Variants in RBMS3 observed in about 807,000 individuals in gnomAD.
The protein encoded by RBMS3 is RNA-binding motif, single-stranded-interacting protein 3.
RBMS3 carries 27 observed loss-of-function variants against 66.8 expected under a neutral mutation model. The ratio of observed to expected loss-of-function variants is 0.40; its 90% CI spans 0.30 to 0.56. The LOEUF is 0.56. Among genes scored for constraint, RBMS3 ranks in the 20% least tolerant of loss-of-function variants. RBMS3 has a pLI of 0.40. For synonymous variants in RBMS3, 188 were observed against 183.0 expected (o/e 1.03, Z -0.22); for missense variants, 513 against 549.5 (o/e 0.93, Z 0.66).
chr3:29,324,180 A>G (rs2035181811), intron 1 of RBMS3, among the ~76,000 whole-genome samples: 1 of 152,178 alleles, frequency 6.6e-6, no homozygotes, highest in South Asian at 2.1e-4. Context: ...TAAGTCATGA[A>G]CACTGACTTC....
At chr3:29,355,650 T>C (rs1405946676) in intron 1 of RBMS3, among the ~76,000 whole-genome samples, 1 of 152,096 alleles carries the variant, frequency 6.6e-6, no homozygotes, top group Admixed American at 6.6e-5. Flanking sequence ...GTATGACTTA[T>C]TATAACAGCA....
At chr3:29,707,600 G>A (rs56922003) in intron 4 of RBMS3, among the ~76,000 whole-genome samples, 18,697 of 152,110 alleles carry the variant, frequency 0.12, 2,468 homozygotes, top group African/African-American at 0.33. Flanking sequence ...CAGTTTTTCT[G>A]TCTTTTCCAT....
At chr3:29,589,274 T>G (rs1165113546) in intron 4 of RBMS3, among the ~76,000 whole-genome samples, 1 of 152,070 alleles carries the variant, frequency 6.6e-6, no homozygotes, top group African/African-American at 2.4e-5. Flanking sequence ...CTCTAATCAC[T>G]GATATCTCAC....
At chr3:29,764,714 G>T (rs1012387972) in intron 6 of RBMS3, among the ~76,000 whole-genome samples, 21 of 151,978 alleles carry the variant, frequency 1.4e-4, no homozygotes, top group African/African-American at 5.1e-4. Context: ...TTTCCCCAAT[G>T]AACATATTGC....
chr3:29,647,144 A>AT (rs2049952583), intron 4 of RBMS3, among the ~76,000 whole-genome samples: 2 of 152,014 alleles, frequency 1.3e-5, no homozygotes, highest in Admixed American at 6.6e-5. Flanking sequence ...CACCGGGCTA[A>AT]TTTTTTGTGT....
chr3:29,506,247 A>T (rs1576045206), intron 3 of RBMS3, among the ~76,000 whole-genome samples: 1 of 151,956 alleles, frequency 6.6e-6, no homozygotes, highest in East Asian at 1.9e-4. Flanking sequence ...ATTGAGATAC[A>T]TTCCTTCTAT....
At chr3:29,711,138 A>C (rs980829471) in intron 4 of RBMS3, among the ~76,000 whole-genome samples, 2 of 152,218 alleles carry the variant, frequency 1.3e-5, no homozygotes, top group Admixed American at 1.3e-4. Context: ...TAAATTAGGC[A>C]CAATAAGAGA....
chr3:29,741,990 G>C (rs574403395), intron 5 of RBMS3, among the ~76,000 whole-genome samples: 1 of 152,062 alleles, frequency 6.6e-6, no homozygotes, highest in Non-Finnish European at 1.5e-5. Context: ...CACATTCTGA[G>C]GTATTGGGGG....
At chr3:29,687,999 G>A (rs1359015865) in intron 4 of RBMS3, among the ~76,000 whole-genome samples, 2 of 152,292 alleles carry the variant, frequency 1.3e-5, no homozygotes, top group South Asian at 4.1e-4. Context: ...AGTGGTACTA[G>A]AGGAAGCTGC....
intron 6 of RBMS3, among the ~76,000 whole-genome samples, chr3:29,772,744 G>T (rs534645012): frequency 5.9e-4 from 89 of 152,074 alleles, no homozygotes; most frequent in Non-Finnish European, 1.1e-3. Flanking sequence ...AGTTCAGTAA[G>T]CTGACTAAAG....
At chr3:29,704,712 T>G (rs1274845638) in intron 4 of RBMS3, among the ~76,000 whole-genome samples, 1 of 152,208 alleles carries the variant, frequency 6.6e-6, no homozygotes, top group Non-Finnish European at 1.5e-5. Flanking sequence ...TTGATACTAG[T>G]TTTTGAATTG....
chr3:29,446,159 C>T (rs753730450), intron 2 of RBMS3, among the ~76,000 whole-genome samples: 9 of 152,084 alleles, frequency 5.9e-5, no homozygotes, highest in Non-Finnish European at 8.8e-5. Context: ...AATTTTGAGT[C>T]CATTGTGGGT....
intron 1 of RBMS3, among the ~76,000 whole-genome samples, chr3:29,347,514 A>G (rs2036646717): frequency 6.6e-6 from 1 of 152,140 alleles, no homozygotes; most frequent in Non-Finnish European, 1.5e-5. Context: ...AATTGAAGTT[A>G]TTATCTATGG....
intron 3 of RBMS3, among the ~76,000 whole-genome samples, chr3:29,580,429 T>C (rs1255379391): frequency 6.6e-6 from 1 of 152,154 alleles, no homozygotes; most frequent in African/African-American, 2.4e-5. Flanking sequence ...CCTGGCTCAG[T>C]TGTTCAGCTC....
chr3:29,433,353 A>C (rs529518662), intron 1 of RBMS3, among the ~76,000 whole-genome samples: 1 of 152,278 alleles, frequency 6.6e-6, no homozygotes, highest in South Asian at 2.1e-4. Context: ...TCCCCACTGG[A>C]ATCTTGATGA....
At chr3:29,316,768 C>A (rs1014873573) in intron 1 of RBMS3, among the ~76,000 whole-genome samples, 1 of 151,550 alleles carries the variant, frequency 6.6e-6, no homozygotes, top group Admixed American at 6.6e-5. Flanking sequence ...ATCTTCTATT[C>A]CGGACTATAT....
At chr3:29,453,038 T>C (rs1184361954) in intron 2 of RBMS3, among the ~76,000 whole-genome samples, 2 of 152,182 alleles carry the variant, frequency 1.3e-5, no homozygotes, top group East Asian at 3.9e-4. Context: ...GTTGATACAT[T>C]GGAGAAAATC....
chr3:29,483,410 C>G (rs1268021248), intron 2 of RBMS3, among the ~76,000 whole-genome samples: 2 of 151,960 alleles, frequency 1.3e-5, no homozygotes, highest in Non-Finnish European at 1.5e-5. Flanking sequence ...GTGTGTTAGT[C>G]TTTTGGAGCA....
chr3:29,856,099 GA>G (rs1222962162), intron 6 of RBMS3, among the ~76,000 whole-genome samples: 4 of 152,150 alleles, frequency 2.6e-5, no homozygotes, highest in Non-Finnish European at 4.4e-5. Context: ...TTTGCTATCA[GA>G]AAGAATATTC....
Sources: gnomAD v4.1 joint callset for allele counts (sites outside exome capture counted in the v4.1 genomes callset) on GRCh38, gnomAD v4.1.1 for gene constraint, MANE v1.5 for transcripts, NCBI Gene and HGNC (gene_info 2026-07-23, HGNC 2026-07-21) for gene names.